The following STAG1 variants were observed in gnomAD, a reference collection of about 807,000 sequenced individuals.
STAG1 encodes the protein STAG1 cohesin complex component, also known as cohesin subunit SA-1.
A neutral mutation model predicts 170.9 loss-of-function variants in STAG1; 26 were observed. That is an observed-to-expected ratio of 0.15 (90% CI 0.11 to 0.21). The LOEUF (loss-of-function observed/expected upper bound fraction) is 0.21, where lower values mean the gene tolerates loss of function less well. Ranked by LOEUF, STAG1 falls within the 10% of genes least tolerant of loss-of-function variation. The pLI is 1.00. For synonymous variants in STAG1, 514 were observed against 497.7 expected (o/e 1.03, Z -0.44); for missense variants, 964 against 1,509.5 (o/e 0.64, Z 5.99).
intron 7 of STAG1, among the ~76,000 whole-genome samples, chr3:136,507,208 A>G (rs1933811039): frequency 6.6e-6 from 1 of 152,196 alleles, no homozygotes; most frequent in South Asian, 2.1e-4. Context: ...TAAACACACC[A>G]TATTGTCTCT....
intron 1 of STAG1, among the ~76,000 whole-genome samples, chr3:136,734,635 A>T (rs1410723291): frequency 6.6e-6 from 1 of 152,030 alleles, no homozygotes; most frequent in South Asian, 2.1e-4. Context: ...TTACTTTTGT[A>T]TTTTTTATGC....
chr3:136,635,807 A>C (rs763223577), intron 1 of STAG1, among the ~76,000 whole-genome samples: 1 of 152,262 alleles, frequency 6.6e-6, no homozygotes, highest in Non-Finnish European at 1.5e-5. Flanking sequence ...TATAAAAGTC[A>C]ATCACTTTGC....
intron 12 of STAG1, among the ~76,000 whole-genome samples, chr3:136,468,754 C>T (rs530696899): frequency 2.2e-4 from 33 of 152,244 alleles, no homozygotes; most frequent in Non-Finnish European, 3.8e-4. Context: ...ACTGGCAAAC[C>T]GAATCCAGCA....
At chr3:136,450,754 A>T (rs2088912803) in intron 14 of STAG1, among the ~76,000 whole-genome samples, 1 of 151,658 alleles carries the variant, frequency 6.6e-6, no homozygotes, top group African/African-American at 2.4e-5. Context: ...ATTTATTTTA[A>T]TTTTTTTTGA....
intron 2 of STAG1, among the ~76,000 whole-genome samples, chr3:136,628,368 A>G (rs1940195782): frequency 1.3e-5 from 2 of 152,182 alleles, no homozygotes; most frequent in African/African-American, 4.8e-5. Flanking sequence ...AGAAAAAAAC[A>G]TAATTCTGAA....
chr3:136,595,367 A>G (rs1435363760), intron 4 of STAG1, among the ~76,000 whole-genome samples: 1 of 152,004 alleles, frequency 6.6e-6, no homozygotes, highest in Non-Finnish European at 1.5e-5. Flanking sequence ...ATCTTTCCTA[A>G]TCATTCCAGA....
At chr3:136,709,275 G>A (rs747041895) in intron 1 of STAG1, among the ~76,000 whole-genome samples, 12 of 148,220 alleles carry the variant, frequency 8.1e-5, no homozygotes, top group Non-Finnish European at 1.2e-4. Context: ...GGGCGACAGA[G>A]CGAGACTCTG....
intron 4 of STAG1, among the ~76,000 whole-genome samples, chr3:136,576,652 T>C (rs1015144253): frequency 5.3e-5 from 8 of 152,114 alleles, no homozygotes; most frequent in Non-Finnish European, 1.0e-4. Context: ...AATATAAATA[T>C]ATGGAAAAGA....
At chr3:136,467,346 A>T (rs1217498805) in intron 12 of STAG1, among the ~76,000 whole-genome samples, 2 of 152,166 alleles carry the variant, frequency 1.3e-5, no homozygotes, top group African/African-American at 4.8e-5. Flanking sequence ...AAAAAAAGGC[A>T]GGGGTTGCAA....
intron 22 of STAG1, among the ~76,000 whole-genome samples, chr3:136,384,663 G>A (rs922751594): frequency 2.6e-5 from 4 of 151,854 alleles, no homozygotes; most frequent in Non-Finnish European, 4.4e-5. Flanking sequence ...CCATACTCTG[G>A]AGGCTGAGGC....
chr3:136,748,740 C>G lies in STAG1; in HGVS notation c.-84+3455G>C, dbSNP rs115125339. On this transcript the variant is annotated intron_variant, in intron 1 of 33. Transcript: ENST00000383202. ...TTTTTAAATTTTTTAAAAAGGTGTT[C>G]TTAGTGGCAGAAATGAAAGAAAAAA... Among the ~76,000 whole-genome samples the G allele has an allele frequency of 3.1e-3, 473 of 152,244 alleles. 6 individuals carry two copies. The highest frequency in any genetic ancestry group is 0.011 in the African/African-American group (457 of 41,526).
At chr3:136,556,953 C>G (rs1414977653) in intron 5 of STAG1, among the ~76,000 whole-genome samples, 1 of 151,964 alleles carries the variant, frequency 6.6e-6, no homozygotes, top group Non-Finnish European at 1.5e-5. Flanking sequence ...AATTTTTTGA[C>G]CAGGAGCAAT....
chr3:136,376,016 C>CAAAATAAAATAAAATAAAAT (rs71157376), intron 23 of STAG1, among the ~76,000 whole-genome samples: 2,049 of 115,492 alleles, frequency 0.018, 54 homozygotes, highest in African/African-American at 0.044. Context: ...AAATAATTAA[C>CAAAATAAAATAAAATAAAAT]AAAATAAAAT....
chr3:136,596,405 A>G (rs1163901185), intron 4 of STAG1, among the ~76,000 whole-genome samples: 5 of 152,176 alleles, frequency 3.3e-5, no homozygotes, highest in Non-Finnish European at 5.9e-5. Flanking sequence ...TAATTAAGGT[A>G]CGTACATTGG....
intron 9 of STAG1, among the ~76,000 whole-genome samples, chr3:136,479,078 AT>A (rs1249805254): frequency 1.5e-3 from 193 of 127,006 alleles, no homozygotes; most frequent in South Asian, 4.0e-3. Flanking sequence ...TTTTTTTTTA[AT>A]TTTTTTTTTT....
At chr3:136,440,037 CACTT>C (rs1202294159) in intron 15 of STAG1, among the ~76,000 whole-genome samples, 2 of 152,204 alleles carry the variant, frequency 1.3e-5, no homozygotes, top group African/African-American at 2.4e-5. Flanking sequence ...ATTACTGAAA[CACTT>C]AGTAATTATT....
intron 23 of STAG1, among the ~76,000 whole-genome samples, chr3:136,376,488 C>T (rs1478555211): frequency 2.0e-5 from 3 of 152,124 alleles, no homozygotes; most frequent in Non-Finnish European, 4.4e-5. Context: ...ACTTCTACAC[C>T]ATTGTCCAAG....
At chr3:136,614,254 T>C (rs978333049) in intron 3 of STAG1, among the ~76,000 whole-genome samples, 1 of 152,160 alleles carries the variant, frequency 6.6e-6, no homozygotes, top group African/African-American at 2.4e-5. Flanking sequence ...ACTTATATTA[T>C]TTAAGATGTA....
At chr3:136,379,989 TTAGAG>T (rs1160078121) in intron 22 of STAG1, among the ~76,000 whole-genome samples, 5 of 149,696 alleles carry the variant, frequency 3.3e-5, no homozygotes, top group Non-Finnish European at 5.9e-5. Flanking sequence ...AATAGGCCAG[TTAGAG>T]TAGTCACATC....
Sources: allele counts gnomAD v4.1 joint callset (sites outside exome capture counted in the v4.1 genomes callset), GRCh38; gene constraint gnomAD v4.1.1; transcripts MANE v1.5; gene names NCBI Gene and HGNC (gene_info 2026-07-23, HGNC 2026-07-21).